The following DPP6 variants were observed in gnomAD, a reference collection of about 807,000 sequenced individuals.
DPP6 encodes the protein dipeptidyl peptidase like 6.
DPP6 carries 69 observed loss-of-function variants against 122.6 expected under a neutral mutation model. The ratio of observed to expected loss-of-function variants is 0.56; its 90% CI spans 0.46 to 0.69. The LOEUF (loss-of-function observed/expected upper bound fraction) is 0.69, where lower values mean the gene tolerates loss of function less well. Among genes scored for constraint, DPP6 ranks in the 30% least tolerant of loss-of-function variants. DPP6 has a pLI of 0.00. For missense variants in DPP6, 928 were observed against 1,116.9 expected, an observed-to-expected ratio of 0.83 and a Z score of 2.41; for synonymous variants, 418 against 433.1, an observed-to-expected ratio of 0.97 and a Z score of 0.43.
At chr7:153,802,849 G>A in the DPP6 span, among the ~76,000 whole-genome samples, 2 of 152,096 alleles carry the variant, frequency 1.3e-5, no homozygotes, top group East Asian at 1.9e-4. Context: ...AGGACACACC[G>A]AGGATCTGAC....
intron 5 of DPP6, among the ~76,000 whole-genome samples, chr7:154,611,386 T>C (rs1702954613): frequency 6.6e-6 from 1 of 152,166 alleles, no homozygotes; most frequent in Non-Finnish European, 1.5e-5. Context: ...TCACACAAAA[T>C]AGTGGTTCAG....
intron 1 of DPP6, among the ~76,000 whole-genome samples, chr7:153,895,140 C>T (rs769580515): frequency 2.0e-5 from 3 of 152,102 alleles, no homozygotes; most frequent in South Asian, 2.1e-4. Flanking sequence ...TTTTTCTTCA[C>T]GCCCAGAAAA....
Position 154,842,579 on chromosome 7 carries a change from GATTT to G in DPP6, c.1667-11200_1667-11197del, listed in dbSNP as rs1801638693. ...TTCAAAGCTTTTCTTTTGGTAATCT[GATTT>G]TTTTTTTATTTTTGTCCCTCTGGTC... On this transcript the variant is annotated intron_variant, in intron 16 of 25. Coordinates refer to ENST00000377770, the MANE Select transcript of DPP6 (RefSeq NM_130797.4). Among the ~76,000 whole-genome samples the G allele has an allele frequency of 2.6e-5, 4 of 151,002 alleles. No homozygotes were observed. In the South Asian group the frequency reaches 8.3e-4, roughly 31 times the overall value.
At chr7:154,744,805 C>G (rs1288382586) in intron 8 of DPP6, among the ~76,000 whole-genome samples, 1 of 152,112 alleles carries the variant, frequency 6.6e-6, no homozygotes, top group African/African-American at 2.4e-5. Context: ...TTCCCGGGAC[C>G]CAGATTTCTC....
intron 1 of DPP6, among the ~76,000 whole-genome samples, chr7:154,263,092 G>A (rs1803144821): frequency 6.6e-6 from 1 of 152,200 alleles, no homozygotes; most frequent in Non-Finnish European, 1.5e-5. Flanking sequence ...ACAGGAACTT[G>A]CTTAAGGAAA....
In DPP6 at chr7:154,421,198, G is replaced by T. The variant is rs941539805; in HGVS notation, c.244-25016G>T. 3.3e-5 allele frequency among the ~76,000 whole-genome samples: 5 copies of T among 152,238 alleles called. No homozygotes were observed. The East Asian group carries it at 7.7e-4, about 23-fold the overall frequency. On this transcript the variant is annotated intron_variant, in intron 1 of 25. Coordinates refer to ENST00000377770, the MANE Select transcript of DPP6 (RefSeq NM_130797.4). ...CATTACAAGAAGTATAGATCCTGCC[G>T]CAGGGTCTTGCATGGGGCAGTAACC...
intron 1 of DPP6, among the ~76,000 whole-genome samples, chr7:154,063,353 TTG>T: frequency 1.7e-5 from 2 of 117,634 alleles, no homozygotes; most frequent in Admixed American, 9.2e-5. Context: ...AGGAACCCCA[TTG>T]CAGGAGGGTG....
chr7:153,957,999 A>C (rs1485264395), intron 1 of DPP6, among the ~76,000 whole-genome samples: 1 of 152,058 alleles, frequency 6.6e-6, no homozygotes, highest in Non-Finnish European at 1.5e-5. Flanking sequence ...CCCCATCTCT[A>C]CTAAAAATAC....
intron 8 of DPP6, 57 bp downstream of exon 8, chr7:154,727,944 T>G: frequency 1.3e-6 from 2 of 1,505,372 alleles, no homozygotes; most frequent in Non-Finnish European, 1.8e-6. Context: ...GCTGCTACAT[T>G]GGAGTTGGGT....
At chr7:154,801,173 G>A (rs576912473) in intron 12 of DPP6, among the ~76,000 whole-genome samples, 182 bp from the exon 13 acceptor site, 33 of 152,116 alleles carry the variant, frequency 2.2e-4, no homozygotes, top group African/African-American at 7.5e-4. Context: ...TTTAGAAAAC[G>A]TAACAGTTGA....
At chr7:154,511,990 C>G (rs920901064) in intron 3 of DPP6, among the ~76,000 whole-genome samples, 1 of 152,166 alleles carries the variant, frequency 6.6e-6, no homozygotes, top group East Asian at 1.9e-4. Context: ...TTCCTTGATT[C>G]TTTATGGACC....
chr7:153,893,444 C>T (rs894698512), intron 1 of DPP6, among the ~76,000 whole-genome samples: 5 of 152,172 alleles, frequency 3.3e-5, no homozygotes, highest in Non-Finnish European at 5.9e-5. Context: ...CGGATGAATT[C>T]GTTAAATGAA....
upstream of DPP6, among the ~76,000 whole-genome samples, chr7:153,885,104 C>T (rs1338474042): frequency 1.2e-5 from 1 of 84,352 alleles, no homozygotes; most frequent in Non-Finnish European, 2.5e-5. Context: ...GTTTGGAGGC[C>T]CATGCTTGGT....
intron 8 of DPP6, among the ~76,000 whole-genome samples, chr7:154,747,591 T>C (rs560678192): frequency 1.3e-5 from 2 of 152,336 alleles, no homozygotes; most frequent in South Asian, 4.1e-4. Context: ...AGTCACTTAC[T>C]AGGCACTCGC....
chr7:154,719,352 G>C (rs892602982), intron 7 of DPP6, among the ~76,000 whole-genome samples: 2 of 152,160 alleles, frequency 1.3e-5, no homozygotes, highest in African/African-American at 2.4e-5. Flanking sequence ...CCATTTGCTT[G>C]AAATTAAAGA....
At chr7:154,826,322 A>G (rs1286063198) in intron 16 of DPP6, among the ~76,000 whole-genome samples, 1 of 152,182 alleles carries the variant, frequency 6.6e-6, no homozygotes, top group Non-Finnish European at 1.5e-5. Flanking sequence ...AATTGGGTGT[A>G]TATTCTTGGT....
At chr7:153,954,157 T>C (rs1024302749) in intron 1 of DPP6, among the ~76,000 whole-genome samples, 7 of 152,230 alleles carry the variant, frequency 4.6e-5, no homozygotes, top group Non-Finnish European at 1.0e-4. Context: ...CCCAGCCAAG[T>C]TGACATCTAC....
chr7:154,366,029 C>T (rs534182538), intron 1 of DPP6, among the ~76,000 whole-genome samples: 4 of 151,744 alleles, frequency 2.6e-5, no homozygotes, highest in East Asian at 1.9e-4. Context: ...GGTAAGCCTG[C>T]GCTGCTGGGC....
intron 1 of DPP6, among the ~76,000 whole-genome samples, chr7:154,255,387 T>C (rs1802592695): frequency 6.6e-6 from 1 of 152,198 alleles, no homozygotes; most frequent in Non-Finnish European, 1.5e-5. Flanking sequence ...CAGGCTTAGA[T>C]GAATTACACT....
Sources: allele counts gnomAD v4.1 joint callset (sites outside exome capture counted in the v4.1 genomes callset), GRCh38; gene constraint gnomAD v4.1.1; transcripts MANE v1.5; gene names NCBI Gene and HGNC (gene_info 2026-07-23, HGNC 2026-07-21).